Variants in ZEB2 observed in about 807,000 individuals in gnomAD.
The protein encoded by ZEB2 is zinc finger E-box binding homeobox 2.
In ZEB2, 6 loss-of-function variants were observed where a neutral mutation model predicts 99.9. The observed-to-expected ratio is 0.06, with a 90% CI of 0.03 to 0.12. ZEB2 has a LOEUF of 0.12. Ranked by LOEUF, ZEB2 falls within the 10% of genes least tolerant of loss-of-function variation. The pLI is 1.00. For missense variants in ZEB2, 969 were observed against 1,502.8 expected (o/e 0.64, Z 5.87); for synonymous variants, 517 against 542.5 (o/e 0.95, Z 0.65).
chr2:144,434,187 G>A (rs1165101170), intron 2 of ZEB2, among the ~76,000 whole-genome samples: 1 of 152,158 alleles, frequency 6.6e-6, no homozygotes, highest in Non-Finnish European at 1.5e-5. Flanking sequence ...AATTACATAT[G>A]CAGCTTATAG....
In ZEB2 at chr2:144,389,661, C is replaced by G; in HGVS notation, c.3435G>C (p.Glu1145Asp). 2 of 1,614,140 alleles carry G rather than the reference C, an allele frequency of 1.2e-6. No individual in the cohort carries two copies. Among genetic ancestry groups the G allele is most frequent in the Non-Finnish European group, 1.7e-6 (2 of 1,180,034 alleles). Residue 1145 changes from glutamate (E) to aspartate (D), a missense_variant, in exon 10 of 10, where the codon GAG (glutamate) becomes GAC (aspartate). Coordinates refer to ENST00000627532, the MANE Select transcript of ZEB2 (RefSeq NM_014795.4). The surrounding 1 kb of genome is among the most constrained non-coding windows in gnomAD (Gnocchi z 6.8). ...GTCTGCCCAGCTTCCCGTAGCCATCCTCGCCTTCTTTCTCGTGCTCCTTCT... is the reference window on the plus strand; with the variant it reads ...GTCTGCCCAGCTTCCCGTAGCCATCGTCGCCTTCTTTCTCGTGCTCCTTCT... ...ESEKEHEKEG[E>D]DGYGKLGRQD... is the part of the protein sequence containing the mutation.
intron 2 of ZEB2, chr2:144,514,533 A>T (rs971068483): frequency 1.3e-5 from 2 of 152,256 alleles, no homozygotes; most frequent in African/African-American, 4.8e-5. Context: ...GGAAAGAAGA[A>T]AAATCCACTC....
Position 144,429,844 on chromosome 2 carries a change from C to A in ZEB2, c.256G>T (p.Asp86Tyr). 6.2e-7 allele frequency: 1 copy of A among 1,613,836 alleles called. No homozygotes were observed. Among genetic ancestry groups the A allele is most frequent in the Non-Finnish European group, 8.5e-7 (1 of 1,179,870 alleles). Residue 86 changes from aspartate to tyrosine, a missense_variant, in exon 3 of 10, where the codon GAT becomes TAT. Physicochemically the swap from Asp to Tyr is radical, Grantham distance 160. Transcript: ENST00000627532. ...QALLPREEEE[D>Y]EIREGGVEHP... Reference sequence around the variant, plus strand: ...TCCACTCCACCCTCCCTTATTTCATCTTCCTCTTCCTCTCTTGGCAACAGA... The same window carrying A: ...TCCACTCCACCCTCCCTTATTTCATATTCCTCTTCCTCTCTTGGCAACAGA...
intron 2 of ZEB2, among the ~76,000 whole-genome samples, chr2:144,452,547 T>C (rs143033370): frequency 1.3e-5 from 2 of 152,308 alleles, no homozygotes; most frequent in Non-Finnish European, 2.9e-5. Context: ...CTCATCACTG[T>C]GAGAACAGGC....
chr2:144,433,348 T>C (rs1276797868), intron 2 of ZEB2, among the ~76,000 whole-genome samples: 1 of 152,238 alleles, frequency 6.6e-6, no homozygotes, highest in Non-Finnish European at 1.5e-5. Flanking sequence ...AATGCACCTA[T>C]AATTATATAC....
chr2:144,410,073 G>A (rs1025852681), intron 4 of ZEB2, among the ~76,000 whole-genome samples: 17 of 151,882 alleles, frequency 1.1e-4, no homozygotes, highest in East Asian at 7.7e-4. Context: ...CACCACGCCC[G>A]GCTAATTTTT....
chr2:144,393,190 C>T (rs1180428013), intron 9 of ZEB2, among the ~76,000 whole-genome samples: 1 of 152,132 alleles, frequency 6.6e-6, no homozygotes, highest in African/African-American at 2.4e-5. Context: ...TTGAAGTCAA[C>T]ATTTACATAG....
Position 144,398,425 on chromosome 2 carries a change from C to T in ZEB2, c.2762G>A (p.Arg921Gln), listed in dbSNP as rs147716561. The T allele has an allele frequency of 2.6e-5, 42 of 1,613,888 alleles. No individual in the cohort carries two copies. In the African/African-American group the frequency reaches 3.1e-4, roughly 12 times the overall value. Residue 921 changes from arginine (R) to glutamine (Q), a missense_variant, in exon 8 of 10, where the codon CGA becomes CAA. By Grantham distance (43) the Arg-to-Gln change is conservative. This residue lies in a region of ZEB2 where 346 missense variants were observed against 460.0 expected (regional missense o/e 0.75). Coordinates refer to ENST00000627532, the MANE Select transcript of ZEB2 (RefSeq NM_014795.4). The part of the protein sequence containing the change: ...PPVQTSIPGL[R>Q]PYPGLDQMSF... Reference sequence around the variant, plus strand: ...CATCTGATCCAGTCCTGGGTATGGTCGTAGCCCAGGAATACTGGTCTGGAC... The same window carrying T: ...CATCTGATCCAGTCCTGGGTATGGTTGTAGCCCAGGAATACTGGTCTGGAC...
intron 2 of ZEB2, among the ~76,000 whole-genome samples, chr2:144,459,368 T>C (rs1039267203): frequency 1.4e-4 from 21 of 152,198 alleles, no homozygotes; most frequent in African/African-American, 5.1e-4. Flanking sequence ...TAGAGGAGAT[T>C]TTGATATGTA....
chr2:144,413,995 A>C (rs991651060), intron 4 of ZEB2, among the ~76,000 whole-genome samples: 2 of 152,166 alleles, frequency 1.3e-5, no homozygotes, highest in Admixed American at 1.3e-4. Flanking sequence ...CACAGAATTG[A>C]TGGTTAAAGA....
chr2:144,465,167 C>A (rs1245849574), intron 2 of ZEB2, among the ~76,000 whole-genome samples: 1 of 152,166 alleles, frequency 6.6e-6, no homozygotes, highest in Non-Finnish European at 1.5e-5. Context: ...AAACTCTGTG[C>A]TATTATACAA....
intron 4 of ZEB2, among the ~76,000 whole-genome samples, chr2:144,406,095 A>G (rs1331649665): frequency 1.3e-5 from 2 of 152,206 alleles, no homozygotes; most frequent in Non-Finnish European, 2.9e-5. Context: ...TACCATAAAC[A>G]ATATTATAGT....
chr2:144,514,805 G>C (rs1705103234), intron 2 of ZEB2, among the ~76,000 whole-genome samples: 1 of 152,262 alleles, frequency 6.6e-6, no homozygotes. Context: ...TTGATATTAA[G>C]TGTGCAGGAT....
chr2:144,431,206 G>C (rs1464504858), intron 2 of ZEB2, among the ~76,000 whole-genome samples: 1 of 152,184 alleles, frequency 6.6e-6, no homozygotes, highest in East Asian at 1.9e-4. Flanking sequence ...GCTATCTCAA[G>C]TGGCTCTTGC....
chr2:144,418,508 C>A (rs921081542), intron 4 of ZEB2, among the ~76,000 whole-genome samples: 4 of 151,920 alleles, frequency 2.6e-5, no homozygotes, highest in Non-Finnish European at 4.4e-5. Context: ...GCCAACATGA[C>A]AAAACCCCAT....
rs991031129 is a variant in ZEB2 at position 144,385,929 on chromosome 2, C to G, written c.*3522G>C. The G allele has an allele frequency of 5.9e-5, 9 of 152,170 alleles. No individual in the cohort carries two copies. Among genetic ancestry groups the G allele is most frequent in the African/African-American group, 2.2e-4 (9 of 41,430 alleles). 9.4% of individuals were successfully genotyped at this position (152,170 alleles called of 1,614,324 possible). A position where few individuals can be genotyped will look rare whatever the true frequency, so the allele number is the denominator to read the frequency against. On this transcript the variant is annotated 3_prime_UTR_variant, in exon 10 of 10. Coordinates refer to ENST00000627532, the MANE Select transcript of ZEB2 (RefSeq NM_014795.4). ...CTTTCCTCCAAGCCCTCCCACTCCG[C>G]CCCCAGTCCAATTCATGCTAAGGAA...
chr2:144,477,181 T>G (rs868704159), intron 2 of ZEB2, among the ~76,000 whole-genome samples: 7 of 152,336 alleles, frequency 4.6e-5, no homozygotes, highest in Non-Finnish European at 5.9e-5. Context: ...AATATAATGT[T>G]GTGAGGCTGA....
intron 2 of ZEB2, among the ~76,000 whole-genome samples, chr2:144,440,552 T>G (rs1365024999): frequency 4.9e-5 from 7 of 142,332 alleles, no homozygotes; most frequent in African/African-American, 1.9e-4. Flanking sequence ...TAACTAGTGG[T>G]TAACTTTTGT....
chr2:144,513,513 C>T (rs1705076945), intron 2 of ZEB2: 7 of 1,527,130 alleles, frequency 4.6e-6, no homozygotes, highest in Non-Finnish European at 6.1e-6. Context: ...TAAAAGACAA[C>T]TTCATTTCTT....
Sources: gnomAD v4.1 joint callset for allele counts (sites outside exome capture counted in the v4.1 genomes callset) on GRCh38, gnomAD v4.1.1 for gene constraint, gnomAD v4.1.1 regional missense constraint, Gnocchi (gnomAD v3.1) non-coding constraint, MANE v1.5 for transcripts, NCBI Gene and HGNC (gene_info 2026-07-23, HGNC 2026-07-21) for gene names.